Variants in VPS28 observed in about 807,000 individuals in gnomAD.
VPS28 encodes the protein vacuolar protein sorting-associated protein 28 homolog.
A neutral mutation model predicts 33.7 loss-of-function variants in VPS28; 29 were observed. The observed-to-expected ratio is 0.86, with a 90% CI of 0.64 to 1.17. The LOEUF is 1.17. Ranked by LOEUF, VPS28 falls within the 50% of genes most tolerant of loss-of-function variation. The pLI is 0.00. For missense variants in VPS28, 247 were observed against 312.2 expected, an observed-to-expected ratio of 0.79 and a Z score of 1.57; for synonymous variants, 164 against 116.7, an observed-to-expected ratio of 1.40 and a Z score of -2.61.
At chr8:144,426,854 C>G in intron 2 of VPS28, 55 bp downstream of exon 2, 1 of 1,601,602 alleles carries the variant, frequency 6.2e-7, no homozygotes, top group Non-Finnish European at 8.5e-7. Context: ...CCCAATACTG[C>G]CCGTCAGCCC....
At chr8:144,426,791 C>A (rs957292326) in intron 2 of VPS28, 118 bp downstream of exon 2, 7 of 1,197,820 alleles carry the variant, frequency 5.8e-6, no homozygotes, top group African/African-American at 1.5e-5. Context: ...CTGGCCACCC[C>A]CAAGGCTGTA....
At chr8:144,426,779 C>T (rs575200948) in intron 2 of VPS28, 130 bp downstream of exon 2, 2 of 1,009,734 alleles carry the variant, frequency 2.0e-6, no homozygotes, top group East Asian at 2.7e-5. Flanking sequence ...ACTATTTAGC[C>T]CCTGGCCACC....
intron 1 of VPS28, among the ~76,000 whole-genome samples, chr8:144,427,488 T>A (rs1308367250): frequency 2.0e-5 from 3 of 151,538 alleles, no homozygotes; most frequent in Non-Finnish European, 2.9e-5. Context: ...GGGGCTGCAG[T>A]GGAGTGTGGT....
Position 144,426,038 on chromosome 8 carries a change from CGGGCGT to C in VPS28, c.86_91del (p.Asn29_Ala30del). The stretch of plus-strand genomic sequence containing the variant: ...CGCCTGGACTTACTTCTCCCTCTCC[CGGGCGT>C]TCTTGTACAACTTCACTTCCTGCCG... On this transcript the variant is annotated inframe_deletion, in exon 4 of 10. Coordinates refer to ENST00000292510, the MANE Select transcript of VPS28 (RefSeq NM_016208.4). 6.5e-7 allele frequency: 1 copy of C among 1,528,872 alleles called. No individual in the cohort carries two copies. Among genetic ancestry groups the C allele is most frequent in the South Asian group, 1.2e-5 (1 of 82,846 alleles). 94.7% of individuals were successfully genotyped at this position (1,528,872 alleles called of 1,614,324 possible).
chr8:144,425,724 G>A lies in VPS28; in HGVS notation c.153C>T (p.Ala51=). ...AGTCCTTGATGTAGGCCTTCTCCAG[G>A]GCTTGCATTGTCTTCACCACCGCAA... The part of the protein sequence containing the change: ...ELFAVVKTMQ[A]LEKAYIKDCV... Residue 51 remains alanine (A), a synonymous_variant, in exon 5 of 10, where the codon GCC becomes GCT. Coordinates refer to ENST00000292510, the MANE Select transcript of VPS28 (RefSeq NM_016208.4). 2 of 1,613,884 alleles carry A rather than the reference G, an allele frequency of 1.2e-6. No individual in the cohort carries two copies. Among genetic ancestry groups the A allele is most frequent in the Non-Finnish European group, 1.7e-6 (2 of 1,179,914 alleles).
At chr8:144,424,390 C>T in intron 7 of VPS28, 122 bp from the exon 8 acceptor site, 2 of 1,327,530 alleles carry the variant, frequency 1.5e-6, no homozygotes, top group Non-Finnish European at 2.0e-6. Context: ...TACTCTGTTC[C>T]CAAACCCTGC....
Position 144,425,036 on chromosome 8 carries a change from G to A in VPS28, c.210C>T (p.Cys70=), listed in dbSNP as rs1176548283. The change falls in exon 6 of 10, where the codon TGC becomes TGT. Residue 70 remains cysteine (C), a synonymous_variant. Coordinates refer to ENST00000292510, the MANE Select transcript of VPS28 (RefSeq NM_016208.4). ...CVSPSEYTAA[C]SRLLVQYKAA... is the part of the protein sequence containing the mutation. Reference sequence around the variant, plus strand: ...CTTTGTATTGGACCAGGAGCCGGGAGCAGGCTGCAGTGTACCTAGGGAGAG... The same window carrying A: ...CTTTGTATTGGACCAGGAGCCGGGAACAGGCTGCAGTGTACCTAGGGAGAG... 9 of 1,551,892 alleles carry A rather than the reference G, an allele frequency of 5.8e-6. No individual in the cohort carries two copies. In the East Asian group the frequency reaches 9.7e-5, roughly 17 times the overall value.
rs190981792 is a variant in VPS28, at chr8:144,424,480, T to C, written c.403-212A>G. 2.4e-3 allele frequency: 1,955 copies of C among 809,046 alleles called. 62 individuals are homozygous for C. In the Admixed American group the frequency reaches 0.048, roughly 20 times the overall value. 50.1% of individuals were successfully genotyped at this position (809,046 alleles called of 1,614,324 possible). Reference sequence around the variant, plus strand: ...AGGGTGGGCCCACACCCACACTCTCTCCCGAGGCCAGGACCCCGCCAGAAC... The same window carrying C: ...AGGGTGGGCCCACACCCACACTCTCCCCCGAGGCCAGGACCCCGCCAGAAC... On this transcript the variant is annotated intron_variant, in intron 7 of 9. Coordinates refer to ENST00000292510, the MANE Select transcript of VPS28 (RefSeq NM_016208.4).
intron 4 of VPS28, 93 bp from the exon 5 acceptor site, chr8:144,425,865 C>T (rs1466568783): frequency 3.2e-6 from 5 of 1,574,230 alleles, no homozygotes; most frequent in East Asian, 2.3e-5. Context: ...ACTGCGGGCG[C>T]TCTGCCCACC....
At position 144,426,988 on chromosome 8, in the gene VPS28, C is replaced by T. The variant is rs1554877014; in HGVS notation, c.-34-9G>A. 1.2e-6 allele frequency: 2 copies of T among 1,606,954 alleles called. No homozygotes were observed. Among genetic ancestry groups the T allele is most frequent in the South Asian group, 2.2e-5 (2 of 90,392 alleles). ...GGGCACAGCACTGAGACCTGGGGAG[C>T]AGAGCCAGGGCCGACTCAAAGATGG... On this transcript the variant is annotated splice_polypyrimidine_tract_variant and intron_variant, in intron 1 of 9. Transcript: ENST00000292510.
chr8:144,425,820 A>C, intron 4 of VPS28, 48 bp from the exon 5 acceptor site: 1 of 1,612,016 alleles, frequency 6.2e-7, no homozygotes, highest in South Asian at 1.1e-5. Context: ...TGCCAAGCCT[A>C]GAGCCCAGAG....
intron 5 of VPS28, 79 bp downstream of exon 5, chr8:144,425,604 C>G (rs1015277214): frequency 2.7e-6 from 4 of 1,501,436 alleles, no homozygotes; most frequent in Non-Finnish European, 3.7e-6. Flanking sequence ...CCCAGCCTGA[C>G]AGACGCCTGC....
chr8:144,425,252 G>C (rs1393326014), intron 5 of VPS28: 2 of 604,018 alleles, frequency 3.3e-6, no homozygotes, highest in African/African-American at 3.7e-5. Flanking sequence ...CTCGGCTCCA[G>C]GTGGAGACCC....
Position 144,425,816 on chromosome 8 carries a change from G to T in VPS28, c.105-44C>A, listed in dbSNP as rs781983122. The T allele has an allele frequency of 8.7e-6, 14 of 1,612,304 alleles. No individual in the cohort carries two copies. In the South Asian group the frequency reaches 1.5e-4, roughly 18 times the overall value. On this transcript the variant is annotated intron_variant, in intron 4 of 9. Coordinates refer to ENST00000292510, the MANE Select transcript of VPS28 (RefSeq NM_016208.4). ...ATCGGGCCAGGCCCCGGGGTGCCAA[G>T]CCTAGAGCCCAGAGTGCTACCCCCT...
chr8:144,424,053 G>T lies in VPS28; in HGVS notation c.536C>A (p.Thr179Lys). 1 of 1,576,178 alleles carries T rather than the reference G, an allele frequency of 6.3e-7. No homozygotes were observed. ...HLPPDFEGRQTVSQWLQTLSG... is the reference protein window; with the variant it reads ...HLPPDFEGRQKVSQWLQTLSG... ...GAGGGACACCCACCACTGGCTGACCGTCTGGCGGCCCTCAAAGTCGGGTGG... is the reference window on the plus strand; with the variant it reads ...GAGGGACACCCACCACTGGCTGACCTTCTGGCGGCCCTCAAAGTCGGGTGG... The change falls in exon 9 of 10, where the codon ACG (threonine) becomes AAG (lysine). Residue 179 changes from threonine (T) to lysine (K), a missense_variant. By Grantham distance (78) the Thr-to-Lys change is moderately conservative. Transcript: ENST00000292510.
Position 144,424,034 on chromosome 8 carries a change from C to T in VPS28, c.548+7G>A. 1 of 1,590,042 alleles carries T rather than the reference C, an allele frequency of 6.3e-7. No homozygotes were observed. ...CGGGGCTCTGCCTGGCTGGGAGGGA[C>T]ACCCACCACTGGCTGACCGTCTGGC... is the stretch of plus-strand genomic sequence containing the variant. On this transcript the variant is annotated splice_region_variant and intron_variant, in intron 9 of 9. Coordinates refer to ENST00000292510, the MANE Select transcript of VPS28 (RefSeq NM_016208.4).
At chr8:144,428,321 G>A (rs1392528079) in intron 1 of VPS28, among the ~76,000 whole-genome samples, 168 bp downstream of exon 1, 1 of 152,278 alleles carries the variant, frequency 6.6e-6, no homozygotes, top group Non-Finnish European at 1.5e-5. Context: ...ACCTCGCAGA[G>A]TGGACAACGA....
chr8:144,428,217 A>C (rs1218471888), intron 1 of VPS28, among the ~76,000 whole-genome samples: 1 of 152,216 alleles, frequency 6.6e-6, no homozygotes, highest in Non-Finnish European at 1.5e-5. Context: ...GCCAGGCAGG[A>C]GAGCGCCGAG....
chr8:144,426,922 C>A lies in VPS28; in HGVS notation c.24G>T (p.Thr8=). The change falls in exon 2 of 10, where the codon ACG becomes ACT. Residue 8 remains threonine (T), a synonymous_variant. Transcript: ENST00000292510. ...AGCCACACTCACCTCCTATGCCCGG[C>A]GTGGCTGGGATCCCATGAAACATCC... MFHGIPA[T]PGIGAPGNKP... 2 of 1,612,586 alleles carry A rather than the reference C, an allele frequency of 1.2e-6. No individual in the cohort carries two copies. The highest frequency in any genetic ancestry group is 1.7e-6 in the Non-Finnish European group (2 of 1,179,754).
Sources: gnomAD v4.1 joint callset for allele counts (sites outside exome capture counted in the v4.1 genomes callset) on GRCh38, gnomAD v4.1.1 for gene constraint, MANE v1.5 for transcripts, NCBI Gene and HGNC (gene_info 2026-07-23, HGNC 2026-07-21) for gene names.